POLR1C: variants seen among roughly 807,000 people sequenced by gnomAD.
POLR1C encodes the protein DNA-directed RNA polymerases I and III subunit RPAC1.
Under a neutral mutation model 38.3 loss-of-function variants are expected in POLR1C, and 42 were observed. That is an observed-to-expected ratio of 1.10 (90% confidence interval 0.86 to 1.42). The LOEUF (loss-of-function observed/expected upper bound fraction) is 1.42. POLR1C is among the 40% of genes most tolerant of loss of function. The pLI, the probability that POLR1C is intolerant of heterozygous loss-of-function variation, is 0.00. For missense variants in POLR1C, 507 were observed against 450.5 expected, an observed-to-expected ratio of 1.13 and a Z score of -1.14; for synonymous variants, 163 against 163.9, an observed-to-expected ratio of 0.99 and a Z score of 0.04.
chr6:43,519,348 G>A lies in POLR1C; in HGVS notation c.157G>A (p.Val53Ile). Residue 53 changes from valine to isoleucine, a missense_variant, in exon 3 of 9, where the codon GTA becomes ATA. Physicochemically the swap from Val to Ile is conservative, Grantham distance 29. Coordinates refer to ENST00000642195, the MANE Select transcript of POLR1C (RefSeq NM_203290.4). ...DRFEKNFRVD[V>I]VHMDENSLEF... ...GTCCCTCTAGAATTTCCGTGTGGAT[G>A]TAGTACACATGGATGAAAACTCACT... is the stretch of plus-strand genomic sequence containing the variant. The A allele has an allele frequency of 6.2e-7, 1 of 1,609,186 alleles. No individual in the cohort carries two copies.
chr6:43,546,546 G>C, intron 9 of POLR1C: 1 of 1,585,964 alleles, frequency 6.3e-7, no homozygotes, highest in Non-Finnish European at 8.6e-7. Context: ...GAAAACAACA[G>C]AGAAAAGCCA....
chr6:43,560,402 A>G, intron 10 of POLR1C: 3 of 1,392,962 alleles, frequency 2.2e-6, no homozygotes. Context: ...ATAGAAATAA[A>G]TCTGTACAAT....
chr6:43,546,669 T>C, intron 9 of POLR1C: 1 of 1,613,484 alleles, frequency 6.2e-7, no homozygotes, highest in Non-Finnish European at 8.5e-7. Flanking sequence ...CCACCACAAA[T>C]CCCCCAGCTT....
chr6:43,528,873 G>T, intron 8 of POLR1C: 1 of 1,613,928 alleles, frequency 6.2e-7, no homozygotes, highest in South Asian at 1.1e-5. Context: ...GGGATACCAG[G>T]GCTTCATAGT....
downstream of POLR1C, chr6:43,522,529 G>A: frequency 4.2e-6 from 1 of 240,434 alleles, no homozygotes; most frequent in Non-Finnish European, 9.3e-6. Flanking sequence ...AGGTTTGGAG[G>A]GAAACACTCT....
downstream of POLR1C, chr6:43,522,635 T>C: frequency 2.4e-6 from 1 of 418,540 alleles, no homozygotes; most frequent in South Asian, 1.7e-5. Context: ...GCTTTGCTTC[T>C]TCTCAATCTG....
At chr6:43,539,716 C>T (rs1273845042) in intron 9 of POLR1C, 8 of 650,980 alleles carry the variant, frequency 1.2e-5, no homozygotes, top group South Asian at 1.9e-5. Context: ...GGTGTTTTCT[C>T]GGAGAAGAAG....
intron 10 of POLR1C, chr6:43,559,162 T>C (rs1056548966): frequency 1.3e-5 from 2 of 152,432 alleles, no homozygotes; most frequent in Non-Finnish European, 2.9e-5. Flanking sequence ...CCAAGTGTGG[T>C]GGTGGGCACC....
At chr6:43,526,482 A>G (rs539541447), downstream of POLR1C, 112 of 600,536 alleles carry the variant, frequency 1.9e-4, no homozygotes, top group Admixed American at 3.0e-3. Flanking sequence ...GGAGGAAATC[A>G]TCTGAGACAG....
intron 9 of POLR1C, chr6:43,548,200 G>C (rs1795057335): frequency 6.7e-7 from 1 of 1,485,298 alleles, no homozygotes; most frequent in Middle Eastern, 2.5e-4. Context: ...CCTGGGCCTA[G>C]CTCTTAAACC....
intron 10 of POLR1C, among the ~76,000 whole-genome samples, chr6:43,559,726 A>G (rs1172983049): frequency 6.6e-6 from 1 of 152,262 alleles, no homozygotes; most frequent in Non-Finnish European, 1.5e-5. Context: ...AATAACCAGT[A>G]AGGACTGATT....
At chr6:43,535,444 GC>G (rs1794256025) in intron 9 of POLR1C, among the ~76,000 whole-genome samples, 1 of 151,994 alleles carries the variant, frequency 6.6e-6, no homozygotes, top group Non-Finnish European at 1.5e-5. Flanking sequence ...ATAAAAATTA[GC>G]CAGGTGTGGT....
chr6:43,530,804 G>A (rs1196058564), downstream of POLR1C: 1 of 1,611,702 alleles, frequency 6.2e-7, no homozygotes, highest in Non-Finnish European at 8.5e-7. Flanking sequence ...GGAAGGGCCT[G>A]CCTTCCCTAG....
At chr6:43,538,549 C>T (rs1035142473) in intron 9 of POLR1C, among the ~76,000 whole-genome samples, 5 of 152,106 alleles carry the variant, frequency 3.3e-5, no homozygotes, top group African/African-American at 1.2e-4. Context: ...TGATTGTATA[C>T]TGGATATTGA....
At chr6:43,524,775 G>A (rs1793448674), downstream of POLR1C, 3 of 1,606,870 alleles carry the variant, frequency 1.9e-6, no homozygotes, top group Non-Finnish European at 8.5e-7. Flanking sequence ...AAGAGACTAG[G>A]AGCAGACTGA....
intron 9 of POLR1C, among the ~76,000 whole-genome samples, chr6:43,549,276 C>A (rs1405635859): frequency 6.6e-6 from 1 of 152,150 alleles, no homozygotes; most frequent in African/African-American, 2.4e-5. Flanking sequence ...GTTGTCCAGG[C>A]TGGTCCCGAA....
intron 10 of POLR1C, chr6:43,560,357 G>C (rs911812489): frequency 6.6e-7 from 1 of 1,522,262 alleles, no homozygotes. Context: ...ATATAACCCA[G>C]ATTATTACTT....
At chr6:43,546,577 A>G in intron 9 of POLR1C, 1 of 1,607,342 alleles carries the variant, frequency 6.2e-7, no homozygotes, top group Non-Finnish European at 8.5e-7. Context: ...TCACCTTATA[A>G]GCGCAAGCAA....
At chr6:43,517,712 G>A (rs1792909392) in intron 2 of POLR1C, among the ~76,000 whole-genome samples, 1 of 152,136 alleles carries the variant, frequency 6.6e-6, no homozygotes. Flanking sequence ...CATTTCAAGA[G>A]GAGGGTACAT....
Sources: gnomAD v4.1 joint callset for allele counts (sites outside exome capture counted in the v4.1 genomes callset) on GRCh38, gnomAD v4.1.1 for gene constraint, MANE v1.5 for transcripts, NCBI Gene and HGNC (gene_info 2026-07-23, HGNC 2026-07-21) for gene names.